Variants in DPYD observed in about 807,000 individuals in gnomAD.
The protein encoded by DPYD is dihydropyrimidine dehydrogenase [NADP(+)].
DPYD carries 109 observed loss-of-function variants against 116.2 expected under a neutral mutation model. That is an observed-to-expected ratio of 0.94 (90% CI 0.80 to 1.10). The LOEUF is 1.10. DPYD is among the 50% of genes least tolerant of loss of function. DPYD has a pLI of 0.00. For missense variants in DPYD, 1,302 were observed against 1,254.5 expected, an observed-to-expected ratio of 1.04 and a Z score of -0.57; for synonymous variants, 440 against 432.0, an observed-to-expected ratio of 1.02 and a Z score of -0.23.
At position 97,558,628 on chromosome 1, in the gene DPYD, T is replaced by A. The variant is rs536637900; in HGVS notation, c.1340-8884A>T. On this transcript the variant is annotated intron_variant, in intron 11 of 22. Transcript: ENST00000370192. ...GTCAGGGTAAAATACAGATCTGATCTTCTCCCTCACCCTATTCAGGATAAA... is the reference window on the plus strand; with the variant it reads ...GTCAGGGTAAAATACAGATCTGATCATCTCCCTCACCCTATTCAGGATAAA... 6.6e-5 allele frequency among the ~76,000 whole-genome samples: 10 copies of A among 152,186 alleles called. No individual in the cohort carries two copies. In the East Asian group the frequency reaches 1.3e-3, roughly 21 times the overall value.
chr1:97,370,986 T>C (rs544964798), intron 16 of DPYD, among the ~76,000 whole-genome samples: 14 of 152,306 alleles, frequency 9.2e-5, no homozygotes, highest in African/African-American at 3.4e-4. Context: ...CCCATAATGT[T>C]GCAGAGTATG....
chr1:97,231,002 T>G (rs1279868143), intron 19 of DPYD, among the ~76,000 whole-genome samples: 5 of 152,194 alleles, frequency 3.3e-5, no homozygotes. Flanking sequence ...AACTGACATT[T>G]GAATAATTAT....
At chr1:97,659,302 G>C (rs1226732413) in intron 8 of DPYD, among the ~76,000 whole-genome samples, 1 of 152,044 alleles carries the variant, frequency 6.6e-6, no homozygotes, top group East Asian at 1.9e-4. Flanking sequence ...ATATAAATTT[G>C]ATATAATTAC....
At chr1:97,720,064 A>C (rs1429752014) in intron 5 of DPYD, 1 of 984,864 alleles carries the variant, frequency 1.0e-6, no homozygotes, top group Admixed American at 6.2e-5. Flanking sequence ...AAGAGTTCCC[A>C]GAGGGACAGT....
rs1329974263 is a variant in DPYD, at chr1:97,881,968, C to T, written c.150+1296G>A. Among the ~76,000 whole-genome samples the T allele has an allele frequency of 2.0e-5, 3 of 151,512 alleles. No individual in the cohort carries two copies. The East Asian group carries it at 5.9e-4, about 30-fold the overall frequency. ...GGCACATGTATACATATGTAACTAA[C>T]CTGCACATTGTGCACATGTACCCTA... On this transcript the variant is annotated intron_variant, in intron 2 of 22. Coordinates refer to ENST00000370192, the MANE Select transcript of DPYD (RefSeq NM_000110.4).
chr1:97,407,463 G>A (rs1673729076), intron 14 of DPYD, among the ~76,000 whole-genome samples: 1 of 152,120 alleles, frequency 6.6e-6, no homozygotes, highest in Non-Finnish European at 1.5e-5. Context: ...CTGTGTCTTA[G>A]GCAACGGATG....
intron 18 of DPYD, among the ~76,000 whole-genome samples, chr1:97,237,241 CAAAA>C (rs58926889): frequency 7.5e-4 from 43 of 57,686 alleles, no homozygotes; most frequent in African/African-American, 2.6e-3. Context: ...GATTCTGTCT[CAAAA>C]AAAAAAAAAA....
chr1:97,215,070 A>G (rs1660286241), intron 19 of DPYD, among the ~76,000 whole-genome samples: 1 of 152,238 alleles, frequency 6.6e-6, no homozygotes, highest in Admixed American at 6.5e-5. Flanking sequence ...GCTGATGATG[A>G]TAATTAATAG....
At chr1:97,500,838 T>A (rs1447571370) in intron 13 of DPYD, among the ~76,000 whole-genome samples, 1 of 151,888 alleles carries the variant, frequency 6.6e-6, no homozygotes. Context: ...TGGCAGGGAG[T>A]TTTCCAGTCA....
At chr1:97,750,481 T>C (rs576442665) in intron 3 of DPYD, among the ~76,000 whole-genome samples, 5 of 152,310 alleles carry the variant, frequency 3.3e-5, no homozygotes, top group East Asian at 1.9e-4. Flanking sequence ...CAATGCTATA[T>C]TGTTTGCGTT....
At chr1:97,766,782 A>G (rs1402805398) in intron 3 of DPYD, among the ~76,000 whole-genome samples, 1 of 152,236 alleles carries the variant, frequency 6.6e-6, no homozygotes, top group Non-Finnish European at 1.5e-5. Context: ...AAGAAAACAC[A>G]CAAAGTTTTA....
At chr1:97,342,277 AG>A (rs769382725) in intron 16 of DPYD, among the ~76,000 whole-genome samples, 3 of 152,158 alleles carry the variant, frequency 2.0e-5, no homozygotes, top group African/African-American at 4.8e-5. Flanking sequence ...GTATTCTTGT[AG>A]TATTGAATCT....
intron 3 of DPYD, among the ~76,000 whole-genome samples, chr1:97,824,042 CTAT>C (rs1669106103): frequency 6.6e-6 from 1 of 152,084 alleles, no homozygotes; most frequent in East Asian, 1.9e-4. Flanking sequence ...ATTACAGACA[CTAT>C]TTGTTTTAAA....
At chr1:97,141,816 G>A (rs1046373292) in intron 20 of DPYD, among the ~76,000 whole-genome samples, 1 of 152,096 alleles carries the variant, frequency 6.6e-6, no homozygotes, top group Non-Finnish European at 1.5e-5. Flanking sequence ...GATGCCCAGA[G>A]GCCTCTGTGT....
intron 3 of DPYD, among the ~76,000 whole-genome samples, chr1:97,779,902 G>A (rs746689278): frequency 6.6e-6 from 1 of 151,896 alleles, no homozygotes; most frequent in East Asian, 1.9e-4. Flanking sequence ...TTCATCTCTA[G>A]GATAAATTAT....
At chr1:97,170,971 C>T (rs879427564) in intron 20 of DPYD, among the ~76,000 whole-genome samples, 1 of 152,100 alleles carries the variant, frequency 6.6e-6, no homozygotes, top group African/African-American at 2.4e-5. Context: ...CCGTGCATGG[C>T]CTATCTTAAA....
intron 1 of DPYD, among the ~76,000 whole-genome samples, chr1:97,895,697 G>C (rs1458350518): frequency 6.6e-6 from 1 of 151,658 alleles, no homozygotes; most frequent in Non-Finnish European, 1.5e-5. Context: ...GGTGAGTTGA[G>C]GAGTTGGACT....
At chr1:97,281,789 A>AT (rs1184957162) in intron 18 of DPYD, among the ~76,000 whole-genome samples, 1 of 152,064 alleles carries the variant, frequency 6.6e-6, no homozygotes, top group African/African-American at 2.4e-5. Flanking sequence ...ACAGGGAATA[A>AT]TTTTAATTTT....
intron 13 of DPYD, among the ~76,000 whole-genome samples, chr1:97,473,249 C>T (rs1198013341): frequency 2.0e-5 from 3 of 152,162 alleles, no homozygotes; most frequent in Non-Finnish European, 4.4e-5. Flanking sequence ...CTATGTCTGG[C>T]TTATTTCACT....
Sources: allele counts gnomAD v4.1 joint callset (sites outside exome capture counted in the v4.1 genomes callset), GRCh38; gene constraint gnomAD v4.1.1; transcripts MANE v1.5; gene names NCBI Gene and HGNC (gene_info 2026-07-23, HGNC 2026-07-21).